The following GRM5 variants were observed in gnomAD, a reference collection of about 807,000 sequenced individuals.
GRM5 encodes glutamate metabotropic receptor 5, also known as metabotropic glutamate receptor 5.
In GRM5, 19 loss-of-function variants were observed where a neutral mutation model predicts 83.1. The observed-to-expected ratio is 0.23, with a 90% CI of 0.16 to 0.34. The LOEUF is 0.34. GRM5 is among the 10% of genes least tolerant of loss of function. The pLI is 1.00. For synonymous variants in GRM5, 675 were observed against 633.6 expected (o/e 1.07, Z -0.98); for missense variants, 1,160 against 1,588.3 (o/e 0.73, Z 4.58).
chr11:88,582,619 A>C (rs929498052), intron 7 of GRM5, among the ~76,000 whole-genome samples: 1 of 152,352 alleles, frequency 6.6e-6, no homozygotes, highest in South Asian at 2.1e-4. Flanking sequence ...ATAATAAACT[A>C]AACTTATTTC....
At chr11:88,551,722 C>G (rs1942513548) in intron 8 of GRM5, among the ~76,000 whole-genome samples, 1 of 152,122 alleles carries the variant, frequency 6.6e-6, no homozygotes, top group Admixed American at 6.6e-5. Context: ...GTGTCCTCAT[C>G]AGTATAGGGG....
chr11:88,712,499 T>C (rs1276306337), intron 3 of GRM5, among the ~76,000 whole-genome samples: 1 of 152,030 alleles, frequency 6.6e-6, no homozygotes, highest in Non-Finnish European at 1.5e-5. Context: ...CTGGGGCTTC[T>C]CTGTGAAATT....
intron 1 of GRM5, among the ~76,000 whole-genome samples, chr11:89,053,923 C>G (rs1249219783): frequency 6.6e-6 from 1 of 152,128 alleles, no homozygotes; most frequent in Non-Finnish European, 1.5e-5. Flanking sequence ...TAGCAAACAG[C>G]CTCATGTGGC....
chr11:88,567,996 C>A lies in GRM5; in HGVS notation c.1691-4G>T, dbSNP rs78762341. Reference sequence around the variant, plus strand: ...TGTACTGGGATCAAGTCACAACCTGCAGAGACACAAACACATATTGTAAAG... The same window carrying A: ...TGTACTGGGATCAAGTCACAACCTGAAGAGACACAAACACATATTGTAAAG... On this transcript the variant is annotated splice_region_variant and splice_polypyrimidine_tract_variant and intron_variant, in intron 7 of 9. Transcript: ENST00000305447. The surrounding 1 kb of genome is among the most constrained non-coding windows in gnomAD (Gnocchi z 7.3). 1.5e-3 allele frequency: 2,315 copies of A among 1,588,214 alleles called. 6 individuals are homozygous for A. Among genetic ancestry groups the A allele is most frequent in the Middle Eastern group, 2.7e-3 (16 of 5,970 alleles).
chr11:88,719,335 G>C (rs1029691272), intron 3 of GRM5, among the ~76,000 whole-genome samples: 1 of 151,852 alleles, frequency 6.6e-6, no homozygotes, highest in Admixed American at 6.6e-5. Flanking sequence ...TTCTGTTCCT[G>C]TGTCTGCTGA....
At position 88,563,863 on chromosome 11, in the gene GRM5, C is replaced by A. The variant is rs548125568; in HGVS notation, c.2630+3190G>T. Among the ~76,000 whole-genome samples, 3 of 152,276 alleles carry A rather than the reference C, an allele frequency of 2.0e-5. No homozygotes were observed. In the East Asian group the frequency reaches 5.8e-4, roughly 29 times the overall value. ...TTATCAAATGGGAGCTGAATCCCTG[C>A]ATAACCAGCTATATCCTATAGTGTA... On this transcript the variant is annotated intron_variant, in intron 8 of 9. Coordinates refer to ENST00000305447, the MANE Select transcript of GRM5 (RefSeq NM_001143831.3).
At chr11:88,890,358 T>C (rs1945123032) in intron 2 of GRM5, among the ~76,000 whole-genome samples, 1 of 152,126 alleles carries the variant, frequency 6.6e-6, no homozygotes, top group South Asian at 2.1e-4. Flanking sequence ...GCATGCTACC[T>C]GGCCCAGTTC....
chr11:88,574,412 A>G (rs916679332), intron 7 of GRM5, among the ~76,000 whole-genome samples: 12 of 152,122 alleles, frequency 7.9e-5, no homozygotes, highest in African/African-American at 2.9e-4. Context: ...CAAAGAGGGC[A>G]AAACTAGATA....
intron 2 of GRM5, among the ~76,000 whole-genome samples, chr11:89,008,831 G>C (rs1940602975): frequency 6.6e-6 from 1 of 152,114 alleles, no homozygotes; most frequent in Non-Finnish European, 1.5e-5. Context: ...GAAAAATCAT[G>C]TTTAGAAGAT....
chr11:88,660,518 G>A (rs72639194), intron 3 of GRM5, among the ~76,000 whole-genome samples: 3,165 of 152,240 alleles, frequency 0.021, 89 homozygotes, highest in East Asian at 0.12. Context: ...AACAACATAA[G>A]TACATTCTGT....
intron 2 of GRM5, among the ~76,000 whole-genome samples, chr11:88,880,162 T>C (rs1201015981): frequency 6.6e-6 from 1 of 151,962 alleles, no homozygotes; most frequent in Non-Finnish European, 1.5e-5. Flanking sequence ...TTTTTGGCTG[T>C]TTGATTGCCA....
At chr11:88,678,458 C>A (rs913115213) in intron 3 of GRM5, among the ~76,000 whole-genome samples, 2 of 152,114 alleles carry the variant, frequency 1.3e-5, no homozygotes, top group African/African-American at 4.8e-5. Context: ...CATCTGCTCA[C>A]CATCAGTACT....
At chr11:88,772,549 A>G (rs571698799) in intron 3 of GRM5, among the ~76,000 whole-genome samples, 5 of 152,118 alleles carry the variant, frequency 3.3e-5, no homozygotes, top group African/African-American at 1.2e-4. Context: ...TGCTGCACCC[A>G]TCAACTCATC....
intron 3 of GRM5, among the ~76,000 whole-genome samples, chr11:88,731,004 A>G (rs949713196): frequency 6.6e-6 from 1 of 152,178 alleles, no homozygotes; most frequent in Non-Finnish European, 1.5e-5. Context: ...GTATCCCAGA[A>G]CATAAAGTAT....
At chr11:88,837,224 T>G (rs933396965) in intron 3 of GRM5, among the ~76,000 whole-genome samples, 6 of 152,330 alleles carry the variant, frequency 3.9e-5, no homozygotes, top group Non-Finnish European at 8.8e-5. Flanking sequence ...GGACAAAATT[T>G]ATTACTGAAA....
intron 3 of GRM5, among the ~76,000 whole-genome samples, chr11:88,723,695 C>G (rs1258381130): frequency 6.6e-6 from 1 of 152,014 alleles, no homozygotes; most frequent in Non-Finnish European, 1.5e-5. Context: ...AGGTTTTAAA[C>G]AGCAGTGTCA....
chr11:88,589,254 T>C (rs1937601600), intron 7 of GRM5, among the ~76,000 whole-genome samples: 1 of 152,172 alleles, frequency 6.6e-6, no homozygotes, highest in African/African-American at 2.4e-5. Context: ...TGCACACAGG[T>C]ACACTATAGA....
rs748552029 is a variant in GRM5 at position 88,508,612 on chromosome 11, G to C, written c.3619C>G (p.Gln1207Glu). 1.9e-6 allele frequency: 3 copies of C among 1,609,058 alleles called. No individual in the cohort carries two copies. The highest frequency in any genetic ancestry group is 2.5e-6 in the Non-Finnish European group (3 of 1,177,800). ...GACATTCACAACGACGAGGAGCTCT[G>C]AGTGTAATCTCTTATGATAAGAGTG... Reference protein sequence around the residue: ...YDTLIIRDYTQSSSSL With the variant: ...YDTLIIRDYTESSSSL Residue 1207 changes from glutamine (Q) to glutamate (E), a missense_variant, in exon 10 of 10, where the codon CAG becomes GAG. By Grantham distance (29) the Gln-to-Glu change is conservative. Coordinates refer to ENST00000305447, the MANE Select transcript of GRM5 (RefSeq NM_001143831.3). The surrounding 1 kb of genome is among the most constrained non-coding windows in gnomAD (Gnocchi z 4.2).
intron 3 of GRM5, among the ~76,000 whole-genome samples, chr11:88,681,308 C>A (rs1173526848): frequency 6.6e-6 from 1 of 151,956 alleles, no homozygotes; most frequent in Non-Finnish European, 1.5e-5. Flanking sequence ...TTTATTAATT[C>A]CTTGCCTTCT....
Sources: gnomAD v4.1 joint callset for allele counts (sites outside exome capture counted in the v4.1 genomes callset) on GRCh38, gnomAD v4.1.1 for gene constraint, Gnocchi (gnomAD v3.1) non-coding constraint, MANE v1.5 for transcripts, NCBI Gene and HGNC (gene_info 2026-07-23, HGNC 2026-07-21) for gene names.